The following TRHDE variants were observed in gnomAD, a reference collection of about 807,000 sequenced individuals.
The protein encoded by TRHDE is thyrotropin-releasing hormone-degrading ectoenzyme.
In TRHDE, 72 loss-of-function variants were observed where a neutral mutation model predicts 125.7. That is an observed-to-expected ratio of 0.57 (90% confidence interval 0.47 to 0.70). TRHDE has a LOEUF of 0.70. Ranked by LOEUF, TRHDE falls within the 30% of genes least tolerant of loss-of-function variation. The pLI, the probability that TRHDE is intolerant of heterozygous loss-of-function variation, is 0.00. For missense variants in TRHDE, 1,110 were observed against 1,327.1 expected (o/e 0.84, Z 2.54); for synonymous variants, 509 against 509.1 (o/e 1.00, Z 0.00).
intron 15 of TRHDE, among the ~76,000 whole-genome samples, chr12:72,637,388 T>C (rs1277203287): frequency 6.6e-6 from 1 of 152,088 alleles, no homozygotes; most frequent in African/African-American, 2.4e-5. Context: ...TTTGATTCTT[T>C]TCTCTTTTTT....
chr12:72,279,319 C>T (rs1318072541), intron 1 of TRHDE, among the ~76,000 whole-genome samples: 2 of 137,696 alleles, frequency 1.5e-5, no homozygotes, highest in Non-Finnish European at 3.1e-5. Context: ...AAATGCTTTA[C>T]GGTCTTTAAG....
At chr12:72,394,983 A>G (rs1244733062) in intron 3 of TRHDE, among the ~76,000 whole-genome samples, 3 of 152,230 alleles carry the variant, frequency 2.0e-5, no homozygotes, top group African/African-American at 7.2e-5. Flanking sequence ...ATATGTATAC[A>G]TTGTGGAATG....
At chr12:72,523,376 G>A (rs1015683171) in intron 6 of TRHDE, among the ~76,000 whole-genome samples, 1 of 152,082 alleles carries the variant, frequency 6.6e-6, no homozygotes, top group Non-Finnish European at 1.5e-5. Flanking sequence ...AAGAAAGCTA[G>A]AAGTAGAAAC....
chr12:72,316,364 T>A (rs918755650), intron 2 of TRHDE, among the ~76,000 whole-genome samples: 3 of 152,074 alleles, frequency 2.0e-5, no homozygotes, highest in Non-Finnish European at 4.4e-5. Context: ...GGAAGCAACA[T>A]AGGGTATAGC....
chr12:72,285,882 A>G (rs1434811928), intron 1 of TRHDE, among the ~76,000 whole-genome samples: 1 of 152,198 alleles, frequency 6.6e-6, no homozygotes, highest in Non-Finnish European at 1.5e-5. Flanking sequence ...ATGAAAGAAT[A>G]TAGAAGGTGC....
chr12:72,468,647 T>C (rs976165943), intron 3 of TRHDE, among the ~76,000 whole-genome samples: 1 of 152,180 alleles, frequency 6.6e-6, no homozygotes, highest in African/African-American at 2.4e-5. Flanking sequence ...GCGCTAGCTA[T>C]TTTCAACCTG....
At chr12:72,143,258 C>T (rs1876157874) in intron 2 of TRHDE, among the ~76,000 whole-genome samples, 1 of 152,092 alleles carries the variant, frequency 6.6e-6, no homozygotes, top group Non-Finnish European at 1.5e-5. Flanking sequence ...ATCCCTGTCA[C>T]ACATCTTGTG....
chr12:72,589,229 G>A (rs1335000647), intron 12 of TRHDE, among the ~76,000 whole-genome samples: 2 of 152,124 alleles, frequency 1.3e-5, no homozygotes, highest in Non-Finnish European at 2.9e-5. Flanking sequence ...TATGTTGGGT[G>A]AATAATATAT....
chr12:72,519,644 C>T (rs531805093), intron 6 of TRHDE, among the ~76,000 whole-genome samples: 22 of 152,336 alleles, frequency 1.4e-4, no homozygotes, highest in Non-Finnish European at 2.5e-4. Flanking sequence ...TCTCTCAGCT[C>T]GTCAAAGTCA....
chr12:72,514,389 G>A (rs1014184437), intron 6 of TRHDE, among the ~76,000 whole-genome samples: 1 of 151,908 alleles, frequency 6.6e-6, no homozygotes, highest in Non-Finnish European at 1.5e-5. Context: ...TAAGCAAAAT[G>A]TAAGCAGACA....
At chr12:72,394,380 A>T (rs1249087840) in intron 3 of TRHDE, among the ~76,000 whole-genome samples, 2 of 152,174 alleles carry the variant, frequency 1.3e-5, no homozygotes, top group Non-Finnish European at 2.9e-5. Flanking sequence ...GATCAGTACA[A>T]GGAAGAACAC....
intron 2 of TRHDE, among the ~76,000 whole-genome samples, chr12:72,229,802 A>C (rs961911857): frequency 1.4e-4 from 22 of 152,204 alleles, no homozygotes; most frequent in African/African-American, 5.1e-4. Context: ...GGTGAGGAAG[A>C]GGGAAGTGGA....
chr12:72,105,177 GT>G (rs1875155907), intron 1 of TRHDE, among the ~76,000 whole-genome samples: 1 of 152,164 alleles, frequency 6.6e-6, no homozygotes, highest in African/African-American at 2.4e-5. Flanking sequence ...ATCAGCAGCA[GT>G]ACAAGGAAGT....
At chr12:72,528,693 T>C (rs1373634090) in intron 6 of TRHDE, among the ~76,000 whole-genome samples, 3 of 152,064 alleles carry the variant, frequency 2.0e-5, no homozygotes, top group East Asian at 1.9e-4. Flanking sequence ...TTCACCATGT[T>C]GTTCAGGCTG....
chr12:72,382,833 T>C (rs1872245729), intron 3 of TRHDE, among the ~76,000 whole-genome samples: 1 of 152,258 alleles, frequency 6.6e-6, no homozygotes, highest in Admixed American at 6.5e-5. Context: ...TGAATTCTTT[T>C]TTATTTCTGA....
At chr12:72,103,688 T>C (rs1875118973) in intron 1 of TRHDE, among the ~76,000 whole-genome samples, 1 of 152,190 alleles carries the variant, frequency 6.6e-6, no homozygotes, top group South Asian at 2.1e-4. Context: ...GGGCAAATGG[T>C]CTTAGTTTGG....
intron 15 of TRHDE, among the ~76,000 whole-genome samples, chr12:72,637,170 A>G (rs1225454481): frequency 6.6e-6 from 1 of 152,080 alleles, no homozygotes; most frequent in Non-Finnish European, 1.5e-5. Flanking sequence ...GATTATTGCC[A>G]CAATTTCAGA....
rs111708828 is a variant in TRHDE, at chr12:72,336,208, G to A, written c.1189-41787G>A. On this transcript the variant is annotated intron_variant, in intron 2 of 18. Coordinates refer to ENST00000261180, the MANE Select transcript of TRHDE (RefSeq NM_013381.3). ...CCTGTTTTGCCACTAGGAAATTGAA[G>A]TTCAGAGAGGTTATTTGACTCCAAA... 3.8e-3 allele frequency among the ~76,000 whole-genome samples: 586 copies of A among 152,248 alleles called. 8 individuals are homozygous for A. Among genetic ancestry groups the A allele is most frequent in the African/African-American group, 0.013 (534 of 41,556 alleles).
At chr12:72,343,626 A>G (rs1053031029) in intron 2 of TRHDE, among the ~76,000 whole-genome samples, 5 of 152,082 alleles carry the variant, frequency 3.3e-5, no homozygotes, top group African/African-American at 1.2e-4. Context: ...CCAATTGTTT[A>G]TGTTTTCAGT....
Sources: gnomAD v4.1 joint callset for allele counts (sites outside exome capture counted in the v4.1 genomes callset) on GRCh38, gnomAD v4.1.1 for gene constraint, MANE v1.5 for transcripts, NCBI Gene and HGNC (gene_info 2026-07-23, HGNC 2026-07-21) for gene names.